The following ATP2A2 variants were observed in gnomAD, a reference collection of about 807,000 sequenced individuals.
ATP2A2 encodes the protein ATPase sarcoplasmic/endoplasmic reticulum Ca2+ transporting 2.
ATP2A2 carries 14 observed loss-of-function variants against 109.3 expected under a neutral mutation model. The ratio of observed to expected loss-of-function variants is 0.13; its 90% CI spans 0.08 to 0.20. The LOEUF (loss-of-function observed/expected upper bound fraction) is 0.20. Among genes scored for constraint, ATP2A2 ranks in the 10% least tolerant of loss-of-function variants. The probability of loss-of-function intolerance (pLI) is 1.00; values close to 1 mark genes in which losing one functional copy is unlikely to be tolerated. For synonymous variants in ATP2A2, 506 were observed against 490.9 expected (o/e 1.03, Z -0.41); for missense variants, 657 against 1,321.6 (o/e 0.50, Z 7.80).
At chr12:110,345,438 G>T in intron 18 of ATP2A2, 56 bp downstream of exon 18, 1 of 1,608,212 alleles carries the variant, frequency 6.2e-7, no homozygotes. Context: ...AGGGCACCGG[G>T]GAATTGTGTG....
chr12:110,288,465 C>T (rs889070796), intron 3 of ATP2A2, among the ~76,000 whole-genome samples: 1 of 151,322 alleles, frequency 6.6e-6, no homozygotes, highest in Non-Finnish European at 1.5e-5. Context: ...AGTGCAATGG[C>T]GCGATCTCGG....
At chr12:110,283,367 A>G (rs1167280126) in intron 3 of ATP2A2, among the ~76,000 whole-genome samples, 1 of 152,168 alleles carries the variant, frequency 6.6e-6, no homozygotes, top group East Asian at 1.9e-4. Context: ...CTTAGGTTGA[A>G]AGAACAAGGT....
Position 110,327,036 on chromosome 12 carries a change from A to G in ATP2A2, c.631-517A>G, listed in dbSNP as rs145666050. Among the ~76,000 whole-genome samples, 33 of 152,330 alleles carry G rather than the reference A, an allele frequency of 2.2e-4. No individual in the cohort carries two copies. In the East Asian group the frequency reaches 6.4e-3, roughly 29 times the overall value. ...CTACCCATAGTAAGTAAATAGAGGT[A>G]CCCTGAAAATAGTGAAGCCATGTCC... On this transcript the variant is annotated intron_variant, in intron 7 of 19. Transcript: ENST00000539276. This position sits in a 1 kb window ranked among gnomAD's most constrained non-coding sequence, Gnocchi z 4.4.
chr12:110,303,875 T>C (rs1298549995), intron 5 of ATP2A2, among the ~76,000 whole-genome samples: 1 of 152,210 alleles, frequency 6.6e-6, no homozygotes, highest in African/African-American at 2.4e-5. Context: ...ATACAATTAT[T>C]GAATGCCAGA....
In ATP2A2 at chr12:110,350,690, C is replaced by T. The variant is rs1194974046; in HGVS notation, c.*4220C>T. The stretch of plus-strand genomic sequence containing the variant: ...AGTATTCAATTGTAATGCATGCCTT[C>T]GGTTGTAAGTAGCCAGATCCCTCTC... On this transcript the variant is annotated 3_prime_UTR_variant, in exon 20 of 20. Transcript: ENST00000539276. 5 of 270,698 alleles carry T rather than the reference C, an allele frequency of 1.8e-5. No individual in the cohort carries two copies. The South Asian group carries it at 1.9e-4, about 10-fold the overall frequency. The allele number at this position is 270,698 out of a possible 1,614,324, so 16.8% of individuals were successfully genotyped here.
Position 110,342,509 on chromosome 12 carries a change from A to G in ATP2A2, c.2318+61A>G, listed in dbSNP as rs904167495. On this transcript the variant is annotated intron_variant, in intron 15 of 19. Transcript: ENST00000539276. This position sits in a 1 kb window ranked among gnomAD's most constrained non-coding sequence, Gnocchi z 4.6. Reference sequence around the variant, plus strand: ...TTTATCTAAATGGGTCATGGAGCCCAGTTCTCGCAGTTTGCTCTCCAGATT... The same window carrying G: ...TTTATCTAAATGGGTCATGGAGCCCGGTTCTCGCAGTTTGCTCTCCAGATT... The G allele has an allele frequency of 5.8e-6, 9 of 1,551,404 alleles. No homozygotes were observed. The Admixed American group carries it at 1.6e-4, about 28-fold the overall frequency.
intron 18 of ATP2A2, chr12:110,345,613 G>A (rs1022229967): frequency 5.9e-6 from 4 of 683,418 alleles, no homozygotes; most frequent in African/African-American, 5.4e-5. Flanking sequence ...AAACCGTGGG[G>A]GCCAAAAATA....
At chr12:110,311,900 G>C (rs1455262389) in intron 5 of ATP2A2, among the ~76,000 whole-genome samples, 1 of 151,964 alleles carries the variant, frequency 6.6e-6, no homozygotes, top group East Asian at 1.9e-4. Context: ...AACTTGCATA[G>C]TGAGGCTGGG....
Position 110,281,455 on chromosome 12 carries a change from C to A in ATP2A2, c.-335C>A, listed in dbSNP as rs886048945. 7.4e-4 allele frequency: 119 copies of A among 161,394 alleles called. No homozygotes were observed. The highest frequency in any genetic ancestry group is 1.3e-3 in the Non-Finnish European group (100 of 74,630). 10.0% of individuals were successfully genotyped at this position (161,394 alleles called of 1,614,324 possible). A position where few individuals can be genotyped will look rare whatever the true frequency, so the allele number is the denominator to read the frequency against. ...GCCCGGGCGGGGCCTCTGATCGCCT[C>A]AAGAGAGCGGGGAGGGGGCTCGGGG... On this transcript the variant is annotated 5_prime_UTR_variant, in exon 1 of 20. Coordinates refer to ENST00000539276, the MANE Select transcript of ATP2A2 (RefSeq NM_170665.4).
At chr12:110,343,879 C>T (rs1490891688) in intron 16 of ATP2A2, among the ~76,000 whole-genome samples, 4 of 152,162 alleles carry the variant, frequency 2.6e-5, no homozygotes, top group South Asian at 2.1e-4. Flanking sequence ...TCTTCCTCAC[C>T]CCGGGTTCTT....
chr12:110,288,283 T>A (rs2137690510), intron 3 of ATP2A2, among the ~76,000 whole-genome samples: 1 of 151,974 alleles, frequency 6.6e-6, no homozygotes, highest in South Asian at 2.1e-4. Flanking sequence ...AAATTTTTTT[T>A]TATACACATA....
Position 110,294,341 on chromosome 12 carries a change from CCTT to C in ATP2A2, c.324+2224_324+2226del, listed in dbSNP as rs368304196. On this transcript the variant is annotated intron_variant, in intron 4 of 19. Coordinates refer to ENST00000539276, the MANE Select transcript of ATP2A2 (RefSeq NM_170665.4). ...TACAAGTGTGAGCCACTGTGCCTGG[CCTT>C]CTTCTTATGTTTTTCTCAAAAAAAT... 1.6e-3 allele frequency among the ~76,000 whole-genome samples: 245 copies of C among 152,228 alleles called. 11 individuals are homozygous for C. The South Asian group carries it at 0.044, about 28-fold the overall frequency.
In ATP2A2 at chr12:110,342,721, C is replaced by T. The variant is rs1368258547; in HGVS notation, c.2318+273C>T. On this transcript the variant is annotated intron_variant, in intron 15 of 19. Coordinates refer to ENST00000539276, the MANE Select transcript of ATP2A2 (RefSeq NM_170665.4). The surrounding 1 kb of genome is among the most constrained non-coding windows in gnomAD (Gnocchi z 4.6). ...GTAGTCACATGAAATTCTTGCCCTC[C>T]AAAAGTTGGCTTTATCTCAGTCAGC... Among the ~76,000 whole-genome samples the T allele has an allele frequency of 1.3e-5, 2 of 152,034 alleles. No individual in the cohort carries two copies. Among genetic ancestry groups the T allele is most frequent in the East Asian group, 1.9e-4 (1 of 5,192 alleles).
At chr12:110,332,410 T>C (rs900267871) in intron 8 of ATP2A2, 187 bp from the exon 9 acceptor site, 2 of 631,754 alleles carry the variant, frequency 3.2e-6, no homozygotes, top group Non-Finnish European at 5.7e-6. Context: ...CAGTCTAATA[T>C]AATTAAGCTA....
At chr12:110,323,325 C>T (rs576017593) in intron 6 of ATP2A2, among the ~76,000 whole-genome samples, 10 of 152,294 alleles carry the variant, frequency 6.6e-5, no homozygotes, top group Admixed American at 6.5e-4. Context: ...GCTGGGACTA[C>T]AGGCTCCTGC....
rs771912488 is a variant in ATP2A2, at chr12:110,327,580, A to G, written c.658A>G (p.Met220Val). 11 of 1,613,916 alleles carry G rather than the reference A, an allele frequency of 6.8e-6. No individual in the cohort carries two copies. Among genetic ancestry groups the G allele is most frequent in the East Asian group, 6.7e-5 (3 of 44,898 alleles). ...SGTNIAAGKA[M>V]GVVVATGVNT... The stretch of plus-strand genomic sequence containing the variant: ...TACAAACATTGCTGCTGGGAAAGCT[A>G]TGGGAGTGGTGGTAGCAACTGGAGT... The change falls in exon 8 of 20, where the codon ATG (methionine) becomes GTG (valine). Residue 220 changes from methionine to valine, a missense_variant. Met to Val is a conservative substitution (Grantham distance 21, BLOSUM62 1). Around this residue, in one of 9 missense-constraint regions of ATP2A2, gnomAD observed 136 missense variants for 343.9 expected, o/e 0.40. Coordinates refer to ENST00000539276, the MANE Select transcript of ATP2A2 (RefSeq NM_170665.4). The surrounding 1 kb of genome is among the most constrained non-coding windows in gnomAD (Gnocchi z 4.4).
intron 6 of ATP2A2, among the ~76,000 whole-genome samples, chr12:110,323,757 A>G (rs530862093): frequency 6.6e-6 from 1 of 152,158 alleles, no homozygotes; most frequent in African/African-American, 2.4e-5. Flanking sequence ...GTGCCTCTGC[A>G]CTCCAGCCTG....
intron 5 of ATP2A2, among the ~76,000 whole-genome samples, chr12:110,299,577 A>C (rs543917216): frequency 2.6e-5 from 4 of 152,264 alleles, no homozygotes; most frequent in Non-Finnish European, 5.9e-5. Context: ...GATCGTGAGT[A>C]GTTCAAAGAG....
At position 110,337,695 on chromosome 12, in the gene ATP2A2, T is replaced by C. The variant is rs541146157; in HGVS notation, c.1420-1586T>C. 3.2e-4 allele frequency among the ~76,000 whole-genome samples: 48 copies of C among 152,320 alleles called. 1 individual carries two copies. The South Asian group carries it at 7.9e-3, about 25-fold the overall frequency. ...AAATGTGTGTCAGTGGGAGCAAATA[T>C]AATTAACTCACCACATTAACCAAAT... is the stretch of plus-strand genomic sequence containing the variant. On this transcript the variant is annotated intron_variant, in intron 11 of 19. Coordinates refer to ENST00000539276, the MANE Select transcript of ATP2A2 (RefSeq NM_170665.4).
Sources: gnomAD v4.1 joint callset for allele counts (sites outside exome capture counted in the v4.1 genomes callset) on GRCh38, gnomAD v4.1.1 for gene constraint, gnomAD v4.1.1 regional missense constraint, Gnocchi (gnomAD v3.1) non-coding constraint, MANE v1.5 for transcripts, NCBI Gene and HGNC (gene_info 2026-07-23, HGNC 2026-07-21) for gene names.